PREX2: variants seen among roughly 807,000 people sequenced by gnomAD.
PREX2 encodes phosphatidylinositol-3,4,5-trisphosphate dependent Rac exchange factor 2.
PREX2 carries 107 observed loss-of-function variants against 203.2 expected under a neutral mutation model. The observed-to-expected ratio is 0.53, with a 90% CI of 0.45 to 0.62. PREX2 has a LOEUF of 0.62. Ranked by LOEUF, PREX2 falls within the 20% of genes least tolerant of loss-of-function variation. The pLI is 0.00. For synonymous variants in PREX2, 672 were observed against 663.6 expected, an observed-to-expected ratio of 1.01 and a Z score of -0.19; for missense variants, 1,777 against 1,955.9, an observed-to-expected ratio of 0.91 and a Z score of 1.72.
At chr8:67,972,577 C>G (rs1805956026) in intron 1 of PREX2, among the ~76,000 whole-genome samples, 1 of 152,196 alleles carries the variant, frequency 6.6e-6, no homozygotes, top group Admixed American at 6.5e-5. Flanking sequence ...CCTCTTAGTT[C>G]TGTCACCAGT....
intron 37 of PREX2, among the ~76,000 whole-genome samples, chr8:68,207,850 A>C (rs932852566): frequency 6.6e-6 from 1 of 152,042 alleles, no homozygotes; most frequent in African/African-American, 2.4e-5. Flanking sequence ...CCAGATGAGT[A>C]TGAAACAGTG....
chr8:67,963,958 T>C (rs1805702014), intron 1 of PREX2, among the ~76,000 whole-genome samples: 1 of 152,180 alleles, frequency 6.6e-6, no homozygotes, highest in African/African-American at 2.4e-5. Flanking sequence ...CTCCTGCTTC[T>C]TTTATCTTAT....
At chr8:68,218,125 C>A (rs1812881284) in intron 38 of PREX2, among the ~76,000 whole-genome samples, 1 of 152,144 alleles carries the variant, frequency 6.6e-6, no homozygotes, top group Non-Finnish European at 1.5e-5. Context: ...CCTGCTGGTT[C>A]CTGGTGACTG....
chr8:68,228,971 AG>A (rs373242729), intron 39 of PREX2, among the ~76,000 whole-genome samples: 33 of 117,300 alleles, frequency 2.8e-4, no homozygotes, highest in East Asian at 9.0e-4. Context: ...AAAAAAAGAA[AG>A]AAAAAAATGG....
At chr8:67,954,366 A>G (rs1805434137) in intron 1 of PREX2, among the ~76,000 whole-genome samples, 1 of 152,196 alleles carries the variant, frequency 6.6e-6, no homozygotes, top group African/African-American at 2.4e-5. Flanking sequence ...AAAGCCTAAG[A>G]TCTATTTATA....
chr8:68,036,600 T>A (rs1808040039), intron 6 of PREX2, among the ~76,000 whole-genome samples: 1 of 152,106 alleles, frequency 6.6e-6, no homozygotes, highest in Non-Finnish European at 1.5e-5. Context: ...TTCTGTAATT[T>A]TTTTTTTCTC....
chr8:68,014,447 C>T (rs768670769), intron 1 of PREX2, among the ~76,000 whole-genome samples: 3 of 150,926 alleles, frequency 2.0e-5, no homozygotes, highest in African/African-American at 7.3e-5. Flanking sequence ...CCTCGGGGTG[C>T]GGGGGGGGCG....
intron 1 of PREX2, among the ~76,000 whole-genome samples, chr8:68,003,842 C>CTTTTTTTTT (rs148890144): frequency 4.4e-5 from 4 of 90,622 alleles, no homozygotes; most frequent in Admixed American, 1.3e-4. Context: ...CTGGCCTGAC[C>CTTTTTTTTT]TTTTTTTTTT....
chr8:68,129,886 C>A (rs1810967378), intron 31 of PREX2, among the ~76,000 whole-genome samples: 1 of 147,666 alleles, frequency 6.8e-6, no homozygotes. Context: ...CAATAGTAAG[C>A]AAAAAAAAAA....
chr8:68,074,878 C>T (rs1227900748), intron 14 of PREX2, among the ~76,000 whole-genome samples: 4 of 152,052 alleles, frequency 2.6e-5, no homozygotes, highest in African/African-American at 4.8e-5. Context: ...ATATATTGTG[C>T]GATGTCATCT....
intron 23 of PREX2, chr8:68,103,057 G>A: frequency 2.2e-6 from 1 of 459,228 alleles, no homozygotes; most frequent in South Asian, 1.5e-5. Flanking sequence ...TTGGGTATTG[G>A]GAGTACTTCC....
At chr8:68,139,481 C>G (rs574873097) in intron 33 of PREX2, among the ~76,000 whole-genome samples, 182 of 152,224 alleles carry the variant, frequency 1.2e-3, no homozygotes, top group African/African-American at 3.9e-3. Flanking sequence ...AAGGGCATGC[C>G]AGCTGTTGAA....
intron 31 of PREX2, among the ~76,000 whole-genome samples, chr8:68,129,159 A>G (rs1350050978): frequency 1.3e-5 from 2 of 152,190 alleles, no homozygotes; most frequent in African/African-American, 2.4e-5. Flanking sequence ...TATACAGTCA[A>G]CACTGACGTT....
At chr8:68,181,931 ACAGCAGATACTGAAG>A (rs1479117153) in intron 35 of PREX2, among the ~76,000 whole-genome samples, 2 of 152,208 alleles carry the variant, frequency 1.3e-5, no homozygotes, top group South Asian at 2.1e-4. Context: ...TCCTTACGTC[ACAGCAGATACTGAAG>A]CAGCAGATAC....
At chr8:68,015,246 T>A (rs1286955708) in intron 1 of PREX2, among the ~76,000 whole-genome samples, 2 of 152,218 alleles carry the variant, frequency 1.3e-5, no homozygotes, top group Non-Finnish European at 2.9e-5. Context: ...AAGGAAGATT[T>A]AAACCTCTCA....
rs1813244849 is a variant in PREX2 at position 68,235,279 on chromosome 8, G to A, written c.*3901G>A. The A allele has an allele frequency of 6.6e-6, 1 of 151,930 alleles. No homozygotes were observed. Among genetic ancestry groups the A allele is most frequent in the Non-Finnish European group, 1.5e-5 (1 of 67,950 alleles). 9.4% of individuals were successfully genotyped at this position (151,930 alleles called of 1,614,324 possible). A position where few individuals can be genotyped will look rare whatever the true frequency, so the allele number is the denominator to read the frequency against. On this transcript the variant is annotated 3_prime_UTR_variant, in exon 40 of 40. Coordinates refer to ENST00000288368, the MANE Select transcript of PREX2 (RefSeq NM_024870.4). ...CTTTTACTTTACATTTTACTTTAAA[G>A]GTCGTTTTTAGACTTTATGCACTAG... is the stretch of plus-strand genomic sequence containing the variant.
chr8:68,033,304 T>G (rs149801166), intron 6 of PREX2, among the ~76,000 whole-genome samples: 239 of 152,300 alleles, frequency 1.6e-3, no homozygotes, highest in Admixed American at 6.7e-3. Flanking sequence ...TTGGGGATGA[T>G]ATATAATACC....
chr8:68,191,262 C>T (rs1812287497), intron 35 of PREX2, among the ~76,000 whole-genome samples: 1 of 152,122 alleles, frequency 6.6e-6, no homozygotes, highest in South Asian at 2.1e-4. Context: ...AGCCTTCGTT[C>T]CATAATCTTT....
intron 37 of PREX2, among the ~76,000 whole-genome samples, chr8:68,203,244 G>C (rs1812544213): frequency 6.6e-6 from 1 of 152,160 alleles, no homozygotes; most frequent in Admixed American, 6.5e-5. Flanking sequence ...TTGACACCCT[G>C]AGTCAACCAT....
Sources: allele counts gnomAD v4.1 joint callset (sites outside exome capture counted in the v4.1 genomes callset), GRCh38; gene constraint gnomAD v4.1.1; transcripts MANE v1.5; gene names NCBI Gene and HGNC (gene_info 2026-07-23, HGNC 2026-07-21).